Variants in PRKAR1B observed in about 807,000 individuals in gnomAD.
PRKAR1B encodes cAMP-dependent protein kinase type I-beta regulatory subunit.
A neutral mutation model predicts 46.5 loss-of-function variants in PRKAR1B; 22 were observed. The observed-to-expected ratio is 0.47, with a 90% confidence interval of 0.34 to 0.68. PRKAR1B has a LOEUF of 0.68. PRKAR1B is among the 30% of genes least tolerant of loss of function. PRKAR1B has a pLI of 0.01. For synonymous variants in PRKAR1B, 259 were observed against 217.7 expected (o/e 1.19, Z -1.67); for missense variants, 445 against 535.6 (o/e 0.83, Z 1.67).
At chr7:722,464 T>C (rs1046091432) in intron 1 of PRKAR1B, among the ~76,000 whole-genome samples, 1 of 151,898 alleles carries the variant, frequency 6.6e-6, no homozygotes, top group Non-Finnish European at 1.5e-5. Flanking sequence ...TTCAAACTCC[T>C]GACCACAGGT....
At chr7:580,154 G>A (rs28729074) in intron 8 of PRKAR1B, among the ~76,000 whole-genome samples, 62,895 of 150,608 alleles carry the variant, frequency 0.42, 13,785 homozygotes, top group African/African-American at 0.48. Flanking sequence ...TCACTTGAGC[G>A]CGGGAGGTCG....
intron 1 of PRKAR1B, among the ~76,000 whole-genome samples, chr7:711,864 G>A (rs1780653359): frequency 6.6e-6 from 1 of 151,020 alleles, no homozygotes; most frequent in Non-Finnish European, 1.5e-5. Context: ...CGCCCTGAGG[G>A]TCCAGCCGGG....
chr7:698,741 T>C (rs964826793), intron 2 of PRKAR1B, among the ~76,000 whole-genome samples: 9 of 152,040 alleles, frequency 5.9e-5, no homozygotes, highest in Non-Finnish European at 8.8e-5. Flanking sequence ...TTTTAATGCA[T>C]GTGCACACAC....
At chr7:636,374 ACGTCCTC>A (rs1784088069) in intron 4 of PRKAR1B, among the ~76,000 whole-genome samples, 7 of 35,896 alleles carry the variant, frequency 2.0e-4, no homozygotes, top group African/African-American at 6.8e-4. Flanking sequence ...CCGCGCCCAC[ACGTCCTC>A]CACCGGCCGC....
At chr7:638,036 C>T (rs1057067844) in intron 4 of PRKAR1B, among the ~76,000 whole-genome samples, 6 of 152,162 alleles carry the variant, frequency 3.9e-5, no homozygotes, top group East Asian at 3.9e-4. Flanking sequence ...GCCCCGCCGG[C>T]GGAGAAGACG....
intron 2 of PRKAR1B, among the ~76,000 whole-genome samples, chr7:682,675 T>A (rs574129023): frequency 6.7e-6 from 1 of 150,180 alleles, no homozygotes; most frequent in Non-Finnish European, 1.5e-5. Context: ...AACCCGGGAG[T>A]GAGCTTGCAG....
intron 4 of PRKAR1B, among the ~76,000 whole-genome samples, chr7:670,901 C>A (rs866436684): frequency 1.3e-5 from 2 of 152,230 alleles, no homozygotes; most frequent in Admixed American, 1.3e-4. Context: ...GGGCTCAGGA[C>A]CGAGGACACG....
In PRKAR1B at chr7:692,966, G is replaced by A. The variant is rs373238507; in HGVS notation, c.178-12240C>T. Among the ~76,000 whole-genome samples the A allele has an allele frequency of 9.9e-5, 15 of 151,568 alleles. 1 individual carries two copies. The highest frequency in any genetic ancestry group is 6.8e-3 in the Middle Eastern group (2 of 294). On this transcript the variant is annotated intron_variant, in intron 2 of 10. Transcript: ENST00000537384. ...TTTTTTTTTCTTGAGATGGAGTCTC[G>A]CTCTGTTGCCCAGGCTGGAGGGCAG...
At chr7:600,608 C>T (rs1486495826) in intron 6 of PRKAR1B, among the ~76,000 whole-genome samples, 1 of 151,512 alleles carries the variant, frequency 6.6e-6, no homozygotes, top group Non-Finnish European at 1.5e-5. Flanking sequence ...AGCTGCCTGG[C>T]GGTGCTCCCC....
At position 577,602 on chromosome 7, in the gene PRKAR1B, C is replaced by T. The variant is rs1779934088; in HGVS notation, c.891+1654G>A. Among the ~76,000 whole-genome samples, 5 of 152,204 alleles carry T rather than the reference C, an allele frequency of 3.3e-5. No homozygotes were observed. The South Asian group carries it at 6.2e-4, about 19-fold the overall frequency. On this transcript the variant is annotated intron_variant, in intron 9 of 10. Transcript: ENST00000537384. ...GGGAGGGGGTTCCTCTCAGGGAGGC[C>T]CCAGGCAGAGCCTCCGGACGACGGA...
chr7:668,452 A>G (rs1485267973), intron 4 of PRKAR1B, among the ~76,000 whole-genome samples: 1 of 152,218 alleles, frequency 6.6e-6, no homozygotes, highest in African/African-American at 2.4e-5. Flanking sequence ...CCGTGGCCAG[A>G]AAAAGGAGCC....
In PRKAR1B at chr7:677,213, G is replaced by C. The variant is rs199549928; in HGVS notation, c.440+16C>G. ...AGGGCGGCGGTGATGCCGGGGCAGG[G>C]GACGAGTCTGCCTACCTCCTCTCGT... On this transcript the variant is annotated intron_variant, in intron 4 of 10. Transcript: ENST00000537384. The C allele has an allele frequency of 8.1e-6, 13 of 1,613,338 alleles. No individual in the cohort carries two copies. In the Middle Eastern group the frequency reaches 6.6e-4, roughly 82 times the overall value.
At chr7:565,594 A>G (rs536772745) in intron 9 of PRKAR1B, 1 of 152,380 alleles carries the variant, frequency 6.6e-6, no homozygotes, top group African/African-American at 2.4e-5. Context: ...AAAAGGTGAA[A>G]TAAACATCCC....
chr7:654,611 A>G (rs537679676), intron 4 of PRKAR1B, among the ~76,000 whole-genome samples: 1 of 151,494 alleles, frequency 6.6e-6, no homozygotes, highest in Non-Finnish European at 1.5e-5. Context: ...CATCACCATC[A>G]TCACCATCCT....
chr7:715,893 T>C (rs1780858811), intron 1 of PRKAR1B, among the ~76,000 whole-genome samples: 1 of 151,912 alleles, frequency 6.6e-6, no homozygotes, highest in African/African-American at 2.4e-5. Context: ...TTTTTTGTAT[T>C]TTTAGTAGAG....
At chr7:630,694 G>A (rs1321966473) in intron 4 of PRKAR1B, among the ~76,000 whole-genome samples, 3 of 152,174 alleles carry the variant, frequency 2.0e-5, no homozygotes, top group Non-Finnish European at 4.4e-5. Flanking sequence ...CAGGGGATGT[G>A]CCATAGGCAC....
intron 4 of PRKAR1B, among the ~76,000 whole-genome samples, chr7:627,733 C>T (rs1783492093): frequency 6.6e-6 from 1 of 151,958 alleles, no homozygotes; most frequent in Non-Finnish European, 1.5e-5. Context: ...AGCTCACGCC[C>T]GCCCTCCCCG....
chr7:671,524 T>G (rs558071377), intron 4 of PRKAR1B, among the ~76,000 whole-genome samples: 1 of 152,186 alleles, frequency 6.6e-6, no homozygotes, highest in Admixed American at 6.5e-5. Flanking sequence ...AGCGACACAA[T>G]CTCGGCTCAC....
At chr7:700,876 A>G (rs1157265170) in intron 2 of PRKAR1B, among the ~76,000 whole-genome samples, 1 of 152,192 alleles carries the variant, frequency 6.6e-6, no homozygotes, top group Non-Finnish European at 1.5e-5. Flanking sequence ...AGAGAGATCA[A>G]CAGAAATCAT....
Sources: gnomAD v4.1 joint callset for allele counts (sites outside exome capture counted in the v4.1 genomes callset) on GRCh38, gnomAD v4.1.1 for gene constraint, MANE v1.5 for transcripts, NCBI Gene and HGNC (gene_info 2026-07-23, HGNC 2026-07-21) for gene names.